Variants in LY86 observed in about 807,000 individuals in gnomAD.
LY86 encodes lymphocyte antigen 86, also known as MD-1, RP105-associated.
A neutral mutation model predicts 17.3 loss-of-function variants in LY86; 20 were observed. That is an observed-to-expected ratio of 1.15 (90% confidence interval 0.81 to 1.68). The LOEUF (loss-of-function observed/expected upper bound fraction) is 1.68. LY86 is among the 40% of genes most tolerant of loss of function. LY86 has a pLI of 0.00. For missense variants in LY86, 200 were observed against 191.9 expected, an observed-to-expected ratio of 1.04 and a Z score of -0.25; for synonymous variants, 74 against 70.6, an observed-to-expected ratio of 1.05 and a Z score of -0.24.
chr6:6,653,592 A>G (rs1464608236), intron 4 of LY86, among the ~76,000 whole-genome samples: 2 of 152,216 alleles, frequency 1.3e-5, no homozygotes, highest in Non-Finnish European at 2.9e-5. Flanking sequence ...CTGCAAAGGA[A>G]GGGAGACCTC....
intron 1 of LY86, among the ~76,000 whole-genome samples, chr6:6,617,832 G>GT (rs869111606): frequency 6.6e-6 from 1 of 151,984 alleles, no homozygotes; most frequent in South Asian, 2.1e-4. Flanking sequence ...GTTTTGTTTT[G>GT]TTTTTTGTTT....
chr6:6,623,895 A>T (rs1164938385), intron 1 of LY86, among the ~76,000 whole-genome samples: 1 of 152,258 alleles, frequency 6.6e-6, no homozygotes, highest in East Asian at 1.9e-4. Flanking sequence ...GTTTAGATTC[A>T]GTGTTGCAGG....
intron 1 of LY86, among the ~76,000 whole-genome samples, chr6:6,611,292 C>G (rs1217375449): frequency 1.3e-5 from 2 of 152,138 alleles, no homozygotes; most frequent in Non-Finnish European, 1.5e-5. Context: ...TAGAAAAGAG[C>G]CTACATAACA....
chr6:6,601,362 A>T (rs535431075), intron 1 of LY86, among the ~76,000 whole-genome samples: 105 of 143,274 alleles, frequency 7.3e-4, no homozygotes, highest in African/African-American at 2.6e-3. Context: ...CAAACATGGA[A>T]ATATCTTCAT....
intron 1 of LY86, among the ~76,000 whole-genome samples, chr6:6,597,092 A>G (rs1401030655): frequency 6.6e-6 from 1 of 152,222 alleles, no homozygotes; most frequent in African/African-American, 2.4e-5. Flanking sequence ...CTATTTTTGT[A>G]GAAACTACAG....
chr6:6,626,475 G>T lies in LY86; in HGVS notation c.352+54G>T, dbSNP rs900278857. On this transcript the variant is annotated intron_variant, in intron 3 of 4. Transcript: ENST00000230568. ...CAGGGGCCTGCAGAGAGATAAACTC[G>T]AACTTGCATCTGAGGCCAGGACGCC... 5 of 1,601,868 alleles carry T rather than the reference G, an allele frequency of 3.1e-6. No individual in the cohort carries two copies. The East Asian group carries it at 8.9e-5, about 29-fold the overall frequency.
chr6:6,624,045 C>T (rs1451172491), intron 1 of LY86, among the ~76,000 whole-genome samples: 2 of 152,144 alleles, frequency 1.3e-5, no homozygotes, highest in Non-Finnish European at 2.9e-5. Flanking sequence ...TGGGAATGAG[C>T]AAGACCTGAG....
At chr6:6,602,157 G>A (rs1760930037) in intron 1 of LY86, among the ~76,000 whole-genome samples, 2 of 152,166 alleles carry the variant, frequency 1.3e-5, no homozygotes, top group South Asian at 2.1e-4. Flanking sequence ...TCAAAATGGT[G>A]TCACCACATG....
At position 6,654,567 on chromosome 6, in the gene LY86, A is replaced by T. The variant is rs1396691608; in HGVS notation, c.429A>T (p.Glu143Asp). The T allele has an allele frequency of 6.2e-7, 1 of 1,614,184 alleles. No individual in the cohort carries two copies. The highest frequency in any genetic ancestry group is 8.5e-7 in the Non-Finnish European group (1 of 1,180,006). ...AGGGAGAATACCAGGTTTTGCTGGA[A>T]CTGTACACTGAAAAACGGTCCACCG... Reference protein sequence around the residue: ...IPQGEYQVLLELYTEKRSTVA... With the variant: ...IPQGEYQVLLDLYTEKRSTVA... Residue 143 changes from glutamate to aspartate, a missense_variant, in exon 5 of 5, where the codon GAA (glutamate) becomes GAT (aspartate). Coordinates refer to ENST00000230568, the MANE Select transcript of LY86 (RefSeq NM_004271.4).
chr6:6,613,772 G>T (rs1372472886), intron 1 of LY86, among the ~76,000 whole-genome samples: 1 of 152,244 alleles, frequency 6.6e-6, no homozygotes, highest in African/African-American at 2.4e-5. Flanking sequence ...CCAAGAGCGA[G>T]CGAGGGCTGC....
intron 1 of LY86, among the ~76,000 whole-genome samples, chr6:6,602,488 G>A (rs928291710): frequency 6.6e-6 from 1 of 152,206 alleles, no homozygotes; most frequent in South Asian, 2.1e-4. Flanking sequence ...TGAATTACAG[G>A]AATTTGCTTA....
chr6:6,648,611 T>C (rs1420029478), intron 3 of LY86, among the ~76,000 whole-genome samples: 3 of 152,204 alleles, frequency 2.0e-5, no homozygotes, highest in African/African-American at 7.2e-5. Context: ...CCTGCCACCC[T>C]GTGGAACATG....
At chr6:6,603,603 C>CAAAAAAAAAAAAA (rs1207511602) in intron 1 of LY86, among the ~76,000 whole-genome samples, 64 of 70,462 alleles carry the variant, frequency 9.1e-4, no homozygotes, top group East Asian at 2.8e-3. Context: ...AAAACAGAAA[C>CAAAAAAAAAAAAA]AGAAAAAAAA....
intron 4 of LY86, among the ~76,000 whole-genome samples, chr6:6,653,962 G>A (rs907116903): frequency 2.0e-5 from 3 of 152,122 alleles, no homozygotes; most frequent in Non-Finnish European, 2.9e-5. Flanking sequence ...GGATCTTACC[G>A]ACACAGGCGC....
intron 4 of LY86, among the ~76,000 whole-genome samples, chr6:6,649,955 C>G (rs1050433246): frequency 6.6e-6 from 1 of 152,178 alleles, no homozygotes; most frequent in Non-Finnish European, 1.5e-5. Flanking sequence ...GTACAAACCT[C>G]CCACTGAGAG....
At chr6:6,647,770 C>G (rs1206372258) in intron 3 of LY86, among the ~76,000 whole-genome samples, 1 of 152,178 alleles carries the variant, frequency 6.6e-6, no homozygotes, top group Non-Finnish European at 1.5e-5. Flanking sequence ...CTGTCCTCTC[C>G]TCTGTTGATT....
chr6:6,645,769 G>A (rs368582879), intron 3 of LY86, among the ~76,000 whole-genome samples: 2 of 151,492 alleles, frequency 1.3e-5, no homozygotes, highest in East Asian at 2.0e-4. Context: ...GTTCATGCCC[G>A]TAGCAGCCAC....
At chr6:6,593,412 G>C (rs572280275) in intron 1 of LY86, among the ~76,000 whole-genome samples, 99 of 133,322 alleles carry the variant, frequency 7.4e-4, no homozygotes, top group African/African-American at 2.5e-3. Context: ...AGTCTCTTTT[G>C]CCAAGTAAGA....
At chr6:6,612,394 C>T (rs996582209) in intron 1 of LY86, among the ~76,000 whole-genome samples, 3 of 152,192 alleles carry the variant, frequency 2.0e-5, no homozygotes, top group Non-Finnish European at 2.9e-5. Context: ...TATTTTCCCC[C>T]AGTGGGTACC....
Sources: gnomAD v4.1 joint callset for allele counts (sites outside exome capture counted in the v4.1 genomes callset) on GRCh38, gnomAD v4.1.1 for gene constraint, MANE v1.5 for transcripts, NCBI Gene and HGNC (gene_info 2026-07-23, HGNC 2026-07-21) for gene names.